CEP41: variants seen among roughly 807,000 people sequenced by gnomAD.
The protein encoded by CEP41 is centrosomal protein of 41 kDa.
A neutral mutation model predicts 44.3 loss-of-function variants in CEP41; 32 were observed. That is an observed-to-expected ratio of 0.72 (90% CI 0.54 to 0.97). The LOEUF (loss-of-function observed/expected upper bound fraction) is 0.97, where lower values mean the gene tolerates loss of function less well. Among genes scored for constraint, CEP41 ranks in the 50% least tolerant of loss-of-function variants. The pLI is 0.00. For missense variants in CEP41, 432 were observed against 455.2 expected (o/e 0.95, Z 0.46); for synonymous variants, 151 against 168.5 (o/e 0.90, Z 0.80).
intron 1 of CEP41, among the ~76,000 whole-genome samples, chr7:130,432,159 C>G (rs1797840607): frequency 6.8e-6 from 1 of 147,106 alleles, no homozygotes; most frequent in South Asian, 2.2e-4. Context: ...GAAAGGTGAC[C>G]CTGGCAGCAA....
intron 3 of CEP41, among the ~76,000 whole-genome samples, chr7:130,414,716 C>A (rs1797283119): frequency 6.6e-6 from 1 of 152,204 alleles, no homozygotes; most frequent in Non-Finnish European, 1.5e-5. Flanking sequence ...GTCAGTAGGA[C>A]TTTTTGACAT....
chr7:130,422,022 A>T, intron 2 of CEP41: 2 of 1,535,730 alleles, frequency 1.3e-6, no homozygotes, highest in Non-Finnish European at 1.7e-6. Flanking sequence ...GGAACAAAAG[A>T]AATATTTGAA....
At chr7:130,414,164 T>C (rs1554420382) in intron 3 of CEP41, among the ~76,000 whole-genome samples, 2 of 152,216 alleles carry the variant, frequency 1.3e-5, no homozygotes, top group Non-Finnish European at 2.9e-5. Flanking sequence ...GAATTAAACT[T>C]CTCTGTTCTA....
At chr7:130,420,150 C>T (rs981313831) in intron 2 of CEP41, 4 of 748,292 alleles carry the variant, frequency 5.3e-6, no homozygotes, top group Non-Finnish European at 6.5e-6. Context: ...AGTGAGACCT[C>T]GTCTCTACAA....
intron 10 of CEP41, chr7:130,399,788 C>A: frequency 2.4e-6 from 1 of 416,910 alleles, no homozygotes; most frequent in East Asian, 5.2e-5. Context: ...CCATTGCATT[C>A]CAGCCTGGGT....
At chr7:130,399,639 G>A (rs181958451) in intron 10 of CEP41, 66 of 246,278 alleles carry the variant, frequency 2.7e-4, no homozygotes, top group African/African-American at 1.4e-3. Context: ...CCAACATGGT[G>A]AAACCCTGTC....
intron 5 of CEP41, among the ~76,000 whole-genome samples, chr7:130,409,239 C>G (rs1200421702): frequency 6.6e-6 from 1 of 152,154 alleles, no homozygotes; most frequent in Non-Finnish European, 1.5e-5. Flanking sequence ...GTGTAGAGCA[C>G]TAGAAAAACA....
chr7:130,419,907 C>T (rs1797450342), intron 2 of CEP41: 3 of 985,332 alleles, frequency 3.0e-6, no homozygotes, highest in South Asian at 9.4e-5. Context: ...TATTGTCTTA[C>T]CTACCTTACT....
chr7:130,437,020 CAGAGTG>C (rs1797987302), intron 1 of CEP41, among the ~76,000 whole-genome samples: 1 of 152,022 alleles, frequency 6.6e-6, no homozygotes, highest in Admixed American at 6.6e-5. Flanking sequence ...GCCTGGGCAA[CAGAGTG>C]AGAGTTTATC....
Position 130,437,764 on chromosome 7 carries a change from C to CAAAA in CEP41, c.33+3166_33+3169dup, listed in dbSNP as rs1171735164. 5.6e-4 allele frequency among the ~76,000 whole-genome samples: 18 copies of CAAAA among 32,400 alleles called. 1 individual carries two copies. Among genetic ancestry groups the CAAAA allele is most frequent in the Admixed American group, 1.0e-3 (3 of 2,876 alleles). 21.3% of individuals were successfully genotyped at this position (32,400 alleles called of 152,430 possible). On this transcript the variant is annotated intron_variant, in intron 1 of 10. Coordinates refer to ENST00000223208, the MANE Select transcript of CEP41 (RefSeq NM_018718.3). The stretch of plus-strand genomic sequence containing the variant: ...CCTGGGTGACAAAGCAAGACTGTCT[C>CAAAA]AAAAAAAAAAAAAAAAAAAAAAAAG...
In CEP41 at chr7:130,411,114, C is replaced by T; in HGVS notation, c.277+8G>A. 3 of 1,613,522 alleles carry T rather than the reference C, an allele frequency of 1.9e-6. No homozygotes were observed. The highest frequency in any genetic ancestry group is 2.5e-6 in the Non-Finnish European group (3 of 1,179,416). On this transcript the variant is annotated splice_region_variant and intron_variant, in intron 5 of 10. Coordinates refer to ENST00000223208, the MANE Select transcript of CEP41 (RefSeq NM_018718.3). Reference sequence around the variant, plus strand: ...TGTTATTTTCCCCACACCCTCAATTCTCATTACCTTCCAGCCTTTGAATCT... The same window carrying T: ...TGTTATTTTCCCCACACCCTCAATTTTCATTACCTTCCAGCCTTTGAATCT...
intron 1 of CEP41, among the ~76,000 whole-genome samples, chr7:130,430,402 G>T (rs1562995635): frequency 6.8e-6 from 1 of 147,390 alleles, no homozygotes; most frequent in African/African-American, 2.5e-5. Flanking sequence ...TCTTAGCATC[G>T]GTCCTCAGAT....
chr7:130,398,277 T>C lies in CEP41; in HGVS notation c.*614A>G, dbSNP rs781791465. On this transcript the variant is annotated 3_prime_UTR_variant, in exon 11 of 11. Coordinates refer to ENST00000223208, the MANE Select transcript of CEP41 (RefSeq NM_018718.3). The stretch of plus-strand genomic sequence containing the variant: ...AGTGAGTGTACAGCTACTTTCCTCA[T>C]CTTCAATTTCAGTGAGTACACAGGC... 19 of 453,944 alleles carry C rather than the reference T, an allele frequency of 4.2e-5. No homozygotes were observed. Among genetic ancestry groups the C allele is most frequent in the African/African-American group, 6.0e-5 (3 of 49,990 alleles). 28.1% of individuals were successfully genotyped at this position (453,944 alleles called of 1,614,324 possible).
rs1796630857 is a variant in CEP41 at position 130,395,457 on chromosome 7, A to G, written c.*3434T>C. Reference sequence around the variant, plus strand: ...ACTGAGAACGTTTTAGAACTGGAGAAAGAAAGGTTCTTACTGATTATCTTC... The same window carrying G: ...ACTGAGAACGTTTTAGAACTGGAGAGAGAAAGGTTCTTACTGATTATCTTC... On this transcript the variant is annotated 3_prime_UTR_variant, in exon 11 of 11. Transcript: ENST00000223208. 2 of 454,014 alleles carry G rather than the reference A, an allele frequency of 4.4e-6. No homozygotes were observed. The highest frequency in any genetic ancestry group is 4.4e-6 in the Non-Finnish European group (1 of 226,792). The allele number at this position is 454,014 out of a possible 1,614,324, so 28.1% of individuals were successfully genotyped here.
At chr7:130,423,962 T>C (rs1188677980) in intron 2 of CEP41, among the ~76,000 whole-genome samples, 3 of 152,336 alleles carry the variant, frequency 2.0e-5, no homozygotes, top group East Asian at 1.9e-4. Context: ...ATAGTAAATA[T>C]GTCAATTCTC....
intron 1 of CEP41, among the ~76,000 whole-genome samples, chr7:130,437,452 C>T (rs1440833790): frequency 1.3e-5 from 2 of 151,328 alleles, no homozygotes; most frequent in African/African-American, 2.4e-5. Flanking sequence ...CAACACAAGA[C>T]ACTAGACCAC....
rs1193557680 is a variant in CEP41, at chr7:130,414,757, T to C, written c.145+2162A>G. Among the ~76,000 whole-genome samples, 6 of 152,358 alleles carry C rather than the reference T, an allele frequency of 3.9e-5. No homozygotes were observed. The East Asian group carries it at 1.2e-3, about 29-fold the overall frequency. The stretch of plus-strand genomic sequence containing the variant: ...CTCAGAGATAAAAGATCAAACTAGA[T>C]GTTCTACAGTAAGTTTAAATTTTTA... On this transcript the variant is annotated intron_variant, in intron 3 of 10. Transcript: ENST00000223208.
At chr7:130,441,126 T>TC (rs1798149466), upstream of CEP41, 1 of 779,074 alleles carries the variant, frequency 1.3e-6, no homozygotes, top group African/African-American at 1.7e-5. Context: ...TACTCTCTCA[T>TC]CTCAGGGTCG....
In CEP41 at chr7:130,398,181, C is replaced by T; in HGVS notation, c.*710G>A. Reference sequence around the variant, plus strand: ...CAGGGCTTTCCCATGAGAGGCCCTCCTCCCCGGTGTGAAGACACCCACATG... The same window carrying T: ...CAGGGCTTTCCCATGAGAGGCCCTCTTCCCCGGTGTGAAGACACCCACATG... On this transcript the variant is annotated 3_prime_UTR_variant, in exon 11 of 11. Transcript: ENST00000223208. The T allele has an allele frequency of 2.2e-6, 1 of 453,506 alleles. No homozygotes were observed. The highest frequency in any genetic ancestry group is 1.6e-5 in the South Asian group (1 of 64,364). 28.1% of individuals were successfully genotyped at this position (453,506 alleles called of 1,614,324 possible). A position where few individuals can be genotyped will look rare whatever the true frequency, so the allele number is the denominator to read the frequency against.
Sources: allele counts gnomAD v4.1 joint callset (sites outside exome capture counted in the v4.1 genomes callset), GRCh38; gene constraint gnomAD v4.1.1; transcripts MANE v1.5; gene names NCBI Gene and HGNC (gene_info 2026-07-23, HGNC 2026-07-21).